Variants in SLC12A7 observed in about 807,000 individuals in gnomAD.
SLC12A7 encodes K-Cl cotransporter 4.
SLC12A7 carries 100 observed loss-of-function variants against 120.6 expected under a neutral mutation model. The observed-to-expected ratio is 0.83, with a 90% confidence interval of 0.71 to 0.98. The LOEUF is 0.98. Ranked by LOEUF, SLC12A7 falls within the 50% of genes least tolerant of loss-of-function variation. The pLI is 0.00. For synonymous variants in SLC12A7, 760 were observed against 678.0 expected (o/e 1.12, Z -1.88); for missense variants, 1,373 against 1,548.1 (o/e 0.89, Z 1.90).
chr5:1,089,004 A>G lies in SLC12A7; in HGVS notation c.467T>C (p.Ile156Thr). The G allele has an allele frequency of 6.2e-7, 1 of 1,612,918 alleles. No individual in the cohort carries two copies. The stretch of plus-strand genomic sequence containing the variant: ...CACACATGTGCAGCACATGGCCACG[A>G]TGAGGAAGGACTCCAGGACACCAGC... ...GVAGVLESFL[I>T]VAMCCTCTML... is the part of the protein sequence containing the mutation. Residue 156 changes from isoleucine (I) to threonine (T), a missense_variant, in exon 4 of 24, where the codon ATC (isoleucine) becomes ACC (threonine). By Grantham distance (89) the Ile-to-Thr change is moderately conservative (BLOSUM62 -1). Transcript: ENST00000264930.
chr5:1,088,921 G>A, intron 4 of SLC12A7, 61 bp downstream of exon 4: 1 of 1,598,758 alleles, frequency 6.3e-7, no homozygotes, highest in Non-Finnish European at 8.5e-7. Flanking sequence ...TCTGGGGAGA[G>A]CCCTACTGTC....
the SLC12A7 span, among the ~76,000 whole-genome samples, chr5:1,124,802 A>ACG: frequency 6.6e-6 from 1 of 152,248 alleles, no homozygotes; most frequent in Non-Finnish European, 1.5e-5. Flanking sequence ...TAATAAAAAA[A>ACG]GTGTTTAATC....
At chr5:1,058,966 C>G (rs952228275) in intron 21 of SLC12A7, among the ~76,000 whole-genome samples, 2 of 152,212 alleles carry the variant, frequency 1.3e-5, no homozygotes, top group South Asian at 4.1e-4. Flanking sequence ...GCTTGCTGTT[C>G]CCGCTCCCGG....
intron 9 of SLC12A7, among the ~76,000 whole-genome samples, chr5:1,080,997 CAGAGAGAGAGACAGACAGACAGACAGAG>C: frequency 6.9e-6 from 1 of 144,970 alleles, no homozygotes; most frequent in African/African-American, 2.8e-5. Flanking sequence ...GAGAGAGAGA[CAGAGAGAGAGACAGACAGACAGACAGAG>C]AGAGAGAGAG....
At position 1,052,385 on chromosome 5, in the gene SLC12A7, C is replaced by T. The variant is rs775311921; in HGVS notation, c.3227G>A (p.Arg1076Gln). 50 of 1,612,852 alleles carry T rather than the reference C, an allele frequency of 3.1e-5. No individual in the cohort carries two copies. In the East Asian group the frequency reaches 7.4e-4, roughly 24 times the overall value. Residue 1076 changes from arginine to glutamine, a missense_variant, in exon 24 of 24, where the codon CGG becomes CAG. Transcript: ENST00000264930. Reference protein sequence around the residue: ...NRVLLVRGGGREVITIYS With the variant: ...NRVLLVRGGGQEVITIYS The stretch of plus-strand genomic sequence containing the variant: ...TTAGGAGTAGATGGTGATCACCTCC[C>T]GGCCGCCACCCCTGACCAGGAGGAC...
intron 8 of SLC12A7, among the ~76,000 whole-genome samples, 177 bp downstream of exon 8, chr5:1,083,568 C>G (rs988935437): frequency 4.6e-5 from 7 of 152,234 alleles, no homozygotes; most frequent in Non-Finnish European, 1.0e-4. Flanking sequence ...GCTTCTATGG[C>G]TCTGCCAGGG....
intron 22 of SLC12A7, among the ~76,000 whole-genome samples, chr5:1,056,758 G>A (rs1735657278): frequency 6.6e-6 from 1 of 152,188 alleles, no homozygotes; most frequent in South Asian, 2.1e-4. Context: ...GTCTGGCTCT[G>A]ACCCCGGGTG....
chr5:1,145,243 C>G, the SLC12A7 span, among the ~76,000 whole-genome samples: 1 of 152,286 alleles, frequency 6.6e-6, no homozygotes, highest in Non-Finnish European at 1.5e-5. This position sits in a 1 kb window ranked among gnomAD's most constrained non-coding sequence, Gnocchi z 4.4. Flanking sequence ...GCCAGTGGGC[C>G]TGGAAGACCA....
At chr5:1,059,040 T>A (rs1735916260) in intron 21 of SLC12A7, among the ~76,000 whole-genome samples, 1 of 152,226 alleles carries the variant, frequency 6.6e-6, no homozygotes, top group African/African-American at 2.4e-5. Context: ...ATGGGTGGAT[T>A]CTTGTTCCTA....
At chr5:1,154,172 G>C in the SLC12A7 span, among the ~76,000 whole-genome samples, 1 of 151,744 alleles carries the variant, frequency 6.6e-6, no homozygotes, top group African/African-American at 2.4e-5. Context: ...CCACAGGCTT[G>C]TGTCCCTAAC....
upstream of SLC12A7, among the ~76,000 whole-genome samples, chr5:1,113,140 T>G (rs1379107492): frequency 1.3e-5 from 2 of 152,230 alleles, no homozygotes; most frequent in Non-Finnish European, 2.9e-5. Context: ...GGAATTGGGC[T>G]AAAATGCTAT....
At chr5:1,150,424 C>T in the SLC12A7 span, among the ~76,000 whole-genome samples, 3 of 152,168 alleles carry the variant, frequency 2.0e-5, no homozygotes, top group African/African-American at 7.2e-5. Context: ...TGCACCAAGG[C>T]CCAAAGGCCC....
At chr5:1,112,495 C>T (rs1260491135), upstream of SLC12A7, among the ~76,000 whole-genome samples, 1 of 47,540 alleles carries the variant, frequency 2.1e-5, no homozygotes, top group Non-Finnish European at 4.0e-5. Context: ...CTGCTGGGCC[C>T]CCCTGCCCCT....
At position 1,078,739 on chromosome 5, in the gene SLC12A7, C is replaced by T. The variant is rs1251598407; in HGVS notation, c.1416G>A (p.Leu472=). 6.2e-7 allele frequency: 1 copy of T among 1,611,600 alleles called. No individual in the cohort carries two copies. Among genetic ancestry groups the T allele is most frequent in the Admixed American group, 1.7e-5 (1 of 59,780 alleles). Residue 472 remains leucine, a synonymous_variant, in exon 11 of 24, where the codon CTG becomes CTA. Coordinates refer to ENST00000264930, the MANE Select transcript of SLC12A7 (RefSeq NM_006598.3). ...CCACGCCTTCAATGCAGGCCCCAAA[C>T]AGCACAATGCAGGAGAGATCCACAG... is the stretch of plus-strand genomic sequence containing the variant. ...TSFIYLSCIV[L]FGACIEGVVL...
the SLC12A7 span, among the ~76,000 whole-genome samples, chr5:1,137,928 T>G: frequency 6.6e-6 from 1 of 152,166 alleles, no homozygotes; most frequent in African/African-American, 2.4e-5. Flanking sequence ...TCCAGTGAGC[T>G]GTGGCAGAAG....
intron 7 of SLC12A7, 35 bp downstream of exon 7, chr5:1,085,197 A>T: frequency 6.3e-7 from 1 of 1,594,184 alleles, no homozygotes; most frequent in East Asian, 2.3e-5. Context: ...CCCCAGCCCC[A>T]CACCCACCCA....
At chr5:1,124,287 A>G in the SLC12A7 span, among the ~76,000 whole-genome samples, 2 of 152,200 alleles carry the variant, frequency 1.3e-5, no homozygotes, top group African/African-American at 2.4e-5. Context: ...GTTTTCGAGG[A>G]GAAAAGGAAT....
chr5:1,140,887 A>AC, the SLC12A7 span, among the ~76,000 whole-genome samples: 1 of 151,936 alleles, frequency 6.6e-6, no homozygotes. Context: ...TCTGAGGGGA[A>AC]CCCCTTGGGA....
chr5:1,095,623 G>A (rs1184619862), intron 1 of SLC12A7, among the ~76,000 whole-genome samples: 2 of 152,216 alleles, frequency 1.3e-5, no homozygotes, highest in Admixed American at 6.5e-5. Flanking sequence ...GGCAGGATGC[G>A]AGGTGGCCGG....
Sources: allele counts gnomAD v4.1 joint callset (sites outside exome capture counted in the v4.1 genomes callset), GRCh38; gene constraint gnomAD v4.1.1; non-coding constraint Gnocchi (gnomAD v3.1); transcripts MANE v1.5; gene names NCBI Gene and HGNC (gene_info 2026-07-23, HGNC 2026-07-21).